SS18: variants seen among roughly 807,000 people sequenced by gnomAD.
SS18 encodes protein SSXT.
Under a neutral mutation model 72.5 loss-of-function variants are expected in SS18, and 28 were observed. The observed-to-expected ratio is 0.39, with a 90% CI of 0.29 to 0.53. The LOEUF (loss-of-function observed/expected upper bound fraction) is 0.53. Among genes scored for constraint, SS18 ranks in the 20% least tolerant of loss-of-function variants. The pLI is 0.76. For missense variants in SS18, 518 were observed against 535.3 expected (o/e 0.97, Z 0.32); for synonymous variants, 172 against 164.2 (o/e 1.05, Z -0.37).
At chr18:26,062,049 C>T (rs9964341) in intron 3 of SS18, among the ~76,000 whole-genome samples, 9,699 of 152,028 alleles carry the variant, frequency 0.064, 865 homozygotes, top group African/African-American at 0.2. Context: ...TCCCTTGAGG[C>T]CAGGAGATCG....
At chr18:26,076,531 G>C (rs993342668) in intron 3 of SS18, among the ~76,000 whole-genome samples, 1 of 151,920 alleles carries the variant, frequency 6.6e-6, no homozygotes, top group African/African-American at 2.4e-5. Flanking sequence ...TAGTCAAGTT[G>C]ATGACAACTG....
chr18:26,041,795 TAA>T (rs2143904190), intron 5 of SS18, among the ~76,000 whole-genome samples: 1 of 152,290 alleles, frequency 6.6e-6, no homozygotes, highest in South Asian at 2.1e-4. Context: ...AACCTTGCTC[TAA>T]AGGAAAGCAA....
chr18:26,050,159 C>T (rs1422193912), intron 5 of SS18, among the ~76,000 whole-genome samples: 2 of 151,584 alleles, frequency 1.3e-5, no homozygotes, highest in Admixed American at 6.6e-5. Flanking sequence ...TGCTTGAACC[C>T]AGGAGGCGGA....
At chr18:26,085,017 A>G (rs909683612) in intron 2 of SS18, among the ~76,000 whole-genome samples, 2 of 152,222 alleles carry the variant, frequency 1.3e-5, no homozygotes, top group South Asian at 2.1e-4. Context: ...AGAGGGATTC[A>G]TATCTGCAAT....
chr18:26,090,578 C>A lies in SS18; in HGVS notation c.-9G>T, dbSNP rs779056598. The A allele has an allele frequency of 1.9e-6, 3 of 1,577,228 alleles. No individual in the cohort carries two copies. Among genetic ancestry groups the A allele is most frequent in the Non-Finnish European group, 2.6e-6 (3 of 1,162,068 alleles). On this transcript the variant is annotated 5_prime_UTR_variant, in exon 1 of 11. Coordinates refer to ENST00000415083, the MANE Select transcript of SS18 (RefSeq NM_001007559.3). ...GCGAAAGCCACAGACATGTTGCCGC[C>A]GTCACCACTATCGGCAAGTCCCGAG...
At chr18:26,038,779 T>C in intron 6 of SS18, 120 bp from the exon 7 acceptor site, 1 of 953,836 alleles carries the variant, frequency 1.0e-6, no homozygotes, top group South Asian at 1.6e-5. Flanking sequence ...TCTCATAATT[T>C]GGCATTTCAG....
rs2053689261 is a variant in SS18, at chr18:26,039,596, T to C, written c.608-140A>G. The stretch of plus-strand genomic sequence containing the variant: ...AAAAACTGATTTCAAATAATAAAAA[T>C]AAGTCTTTGAATTAAAATTCACATG... On this transcript the variant is annotated intron_variant, in intron 5 of 10. Coordinates refer to ENST00000415083, the MANE Select transcript of SS18 (RefSeq NM_001007559.3). 3 of 764,978 alleles carry C rather than the reference T, an allele frequency of 3.9e-6. No homozygotes were observed. In the South Asian group the frequency reaches 1.1e-4, roughly 28 times the overall value. 47.4% of individuals were successfully genotyped at this position (764,978 alleles called of 1,614,324 possible).
chr18:26,077,526 C>T (rs760208116), intron 3 of SS18, among the ~76,000 whole-genome samples: 1 of 152,086 alleles, frequency 6.6e-6, no homozygotes, highest in Non-Finnish European at 1.5e-5. Flanking sequence ...CAATGCACTA[C>T]GTGTACCTTG....
chr18:26,069,095 T>C (rs1433921448), intron 3 of SS18, among the ~76,000 whole-genome samples: 2 of 152,176 alleles, frequency 1.3e-5, no homozygotes, highest in African/African-American at 4.8e-5. Context: ...ATCTACTCAG[T>C]AACTGAATCC....
At chr18:26,032,782 T>G (rs534076761) in intron 9 of SS18, among the ~76,000 whole-genome samples, 1 of 152,094 alleles carries the variant, frequency 6.6e-6, no homozygotes, top group African/African-American at 2.4e-5. Context: ...TATTTCAAAA[T>G]GGGTAAAAAA....
At chr18:26,039,478 T>C (rs201256969) in intron 5 of SS18, 22 bp from the exon 6 acceptor site, 5 of 1,571,666 alleles carry the variant, frequency 3.2e-6, no homozygotes, top group African/African-American at 2.7e-5. Flanking sequence ...CACAACATTA[T>C]ACACATAATT....
chr18:26,023,628 G>T, intron 10 of SS18: 2 of 531,052 alleles, frequency 3.8e-6, no homozygotes, highest in Non-Finnish European at 7.3e-6. Context: ...TGTCCACCTA[G>T]AATTCTATAC....
intron 5 of SS18, among the ~76,000 whole-genome samples, chr18:26,049,362 T>C (rs539540755): frequency 6.6e-6 from 1 of 152,326 alleles, no homozygotes; most frequent in Admixed American, 6.5e-5. Flanking sequence ...AGATTTTGTG[T>C]GTCCATCCTC....
chr18:26,019,518 G>T (rs1286236304), intron 10 of SS18, among the ~76,000 whole-genome samples: 1 of 152,010 alleles, frequency 6.6e-6, no homozygotes, highest in South Asian at 2.1e-4. Context: ...AACAGAATTA[G>T]GGATTTTATG....
At chr18:26,027,736 G>A (rs1598529684) in intron 10 of SS18, among the ~76,000 whole-genome samples, 1 of 102,544 alleles carries the variant, frequency 9.8e-6, no homozygotes, top group South Asian at 3.2e-4. Flanking sequence ...GAGAAAATTA[G>A]CTATGCATCA....
At chr18:26,057,354 G>T (rs761834885) in intron 4 of SS18, among the ~76,000 whole-genome samples, 6 of 152,118 alleles carry the variant, frequency 3.9e-5, no homozygotes, top group Non-Finnish European at 7.4e-5. Flanking sequence ...ACTAAATTTA[G>T]CCAGTTCTGT....
chr18:26,037,068 G>C (rs746059413), intron 7 of SS18, among the ~76,000 whole-genome samples: 14 of 151,810 alleles, frequency 9.2e-5, no homozygotes, highest in Non-Finnish European at 5.9e-5. Flanking sequence ...TGAGAGAAAA[G>C]AGCCAATGTT....
chr18:26,074,672 A>G (rs955278764), intron 3 of SS18, among the ~76,000 whole-genome samples: 4 of 152,024 alleles, frequency 2.6e-5, no homozygotes, highest in African/African-American at 9.7e-5. Context: ...ACTGAGAAAA[A>G]TTTATAATTT....
chr18:26,048,251 T>A (rs1472955281), intron 5 of SS18, among the ~76,000 whole-genome samples: 1 of 152,234 alleles, frequency 6.6e-6, no homozygotes, highest in Non-Finnish European at 1.5e-5. Flanking sequence ...TAATTCTATT[T>A]CTAGAATTTA....
Sources: allele counts gnomAD v4.1 joint callset (sites outside exome capture counted in the v4.1 genomes callset), GRCh38; gene constraint gnomAD v4.1.1; transcripts MANE v1.5; gene names NCBI Gene and HGNC (gene_info 2026-07-23, HGNC 2026-07-21).